The following AGAP1 variants were observed in gnomAD, a reference collection of about 807,000 sequenced individuals.
AGAP1 encodes the protein arf-GAP with GTPase, ANK repeat and PH domain-containing protein 1.
Under a neutral mutation model 105.3 loss-of-function variants are expected in AGAP1, and 29 were observed. The observed-to-expected ratio is 0.28, with a 90% CI of 0.21 to 0.38. AGAP1 has a LOEUF of 0.38. AGAP1 is among the 10% of genes least tolerant of loss of function. The pLI, the probability that AGAP1 is intolerant of heterozygous loss-of-function variation, is 1.00. For synonymous variants in AGAP1, 509 were observed against 485.9 expected, an observed-to-expected ratio of 1.05 and a Z score of -0.63; for missense variants, 998 against 1,165.1, an observed-to-expected ratio of 0.86 and a Z score of 2.09.
Position 235,623,092 on chromosome 2 carries a change from T to C in AGAP1, c.164-86087T>C, listed in dbSNP as rs961811824. Reference sequence around the variant, plus strand: ...GGGGAATAGATGTCTCTCATGCAGCTCATTTTCCAGTGGATTGCCTGATGT... The same window carrying C: ...GGGGAATAGATGTCTCTCATGCAGCCCATTTTCCAGTGGATTGCCTGATGT... On this transcript the variant is annotated intron_variant, in intron 1 of 17. Coordinates refer to ENST00000304032, the MANE Select transcript of AGAP1 (RefSeq NM_001037131.3). The surrounding 1 kb of genome is among the most constrained non-coding windows in gnomAD (Gnocchi z 4.5). Among the ~76,000 whole-genome samples, 3 of 152,206 alleles carry C rather than the reference T, an allele frequency of 2.0e-5. No homozygotes were observed. The highest frequency in any genetic ancestry group is 6.5e-5 in the Admixed American group (1 of 15,284).
At chr2:235,757,183 A>G (rs1447328270) in intron 6 of AGAP1, among the ~76,000 whole-genome samples, 1 of 152,154 alleles carries the variant, frequency 6.6e-6, no homozygotes, top group East Asian at 1.9e-4. Flanking sequence ...ATAAATTACA[A>G]ATTATCATCT....
Position 235,799,468 on chromosome 2 carries a change from C to T in AGAP1, c.903C>T (p.Ala301=). 1 of 1,614,226 alleles carries T rather than the reference C, an allele frequency of 6.2e-7. No individual in the cohort carries two copies. The highest frequency in any genetic ancestry group is 1.1e-5 in the South Asian group (1 of 91,078). The change falls in exon 8 of 18, where the codon GCC becomes GCT. Residue 301 remains alanine (A), a synonymous_variant. Coordinates refer to ENST00000304032, the MANE Select transcript of AGAP1 (RefSeq NM_001037131.3). This position sits in a 1 kb window ranked among gnomAD's most constrained non-coding sequence, Gnocchi z 5.0. ...TTCGGATCGATGTTCCTCCCACTGC[C>T]AACACGCCCACGCCCGTTCGCAAGC... ...KELRIDVPPT[A]NTPTPVRKQS... is the part of the protein sequence containing the mutation.
Position 236,028,932 on chromosome 2 carries a change from T to C in AGAP1, c.1646-7629T>C, listed in dbSNP as rs114278402. Among the ~76,000 whole-genome samples the C allele has an allele frequency of 5.5e-3, 839 of 152,326 alleles. 5 individuals are homozygous for C. The highest frequency in any genetic ancestry group is 0.019 in the African/African-American group (791 of 41,578). On this transcript the variant is annotated intron_variant, in intron 13 of 17. Coordinates refer to ENST00000304032, the MANE Select transcript of AGAP1 (RefSeq NM_001037131.3). ...GTTTTAATCATGCTTCTTTCTCTTA[T>C]TGATTTTTTTTCTTTCTTCTGGTTG...
intron 1 of AGAP1, among the ~76,000 whole-genome samples, chr2:235,656,139 T>A (rs1289480995): frequency 6.6e-6 from 1 of 152,220 alleles, no homozygotes; most frequent in Non-Finnish European, 1.5e-5. Flanking sequence ...CTGCTGATGA[T>A]GGCTAATGAG....
At position 236,046,012 on chromosome 2, in the gene AGAP1, C is replaced by G. The variant is rs1457830825; in HGVS notation, c.1892-3047C>G. 2.1e-6 allele frequency: 1 copy of G among 471,512 alleles called. No individual in the cohort carries two copies. The highest frequency in any genetic ancestry group is 2.0e-5 in the African/African-American group (1 of 50,074). 29.2% of individuals were successfully genotyped at this position (471,512 alleles called of 1,614,324 possible). A position where few individuals can be genotyped will look rare whatever the true frequency, so the allele number is the denominator to read the frequency against. ...GTCCTTCAGATCTGGACCTGACAGC[C>G]TGGGAGCTGCTGGGGGGAGGTAGGA... On this transcript the variant is annotated intron_variant, in intron 15 of 17. Coordinates refer to ENST00000304032, the MANE Select transcript of AGAP1 (RefSeq NM_001037131.3). This position sits in a 1 kb window ranked among gnomAD's most constrained non-coding sequence, Gnocchi z 5.2.
rs1304644172 is a variant in AGAP1, at chr2:235,642,143, A to G, written c.164-67036A>G. Among the ~76,000 whole-genome samples, 1 of 152,174 alleles carries G rather than the reference A, an allele frequency of 6.6e-6. No homozygotes were observed. The highest frequency in any genetic ancestry group is 1.5e-5 in the Non-Finnish European group (1 of 68,040). ...GGGGCCCTCCAGAGGGTGCCCATCCACGGAGTGCGGCGCCTGCTCGACTTG... is the reference window on the plus strand; with the variant it reads ...GGGGCCCTCCAGAGGGTGCCCATCCGCGGAGTGCGGCGCCTGCTCGACTTG... On this transcript the variant is annotated intron_variant, in intron 1 of 17. Transcript: ENST00000304032. This position sits in a 1 kb window ranked among gnomAD's most constrained non-coding sequence, Gnocchi z 4.1.
chr2:236,101,173 C>T lies in AGAP1; in HGVS notation c.2115-19019C>T, dbSNP rs2059337569. 6.6e-6 allele frequency among the ~76,000 whole-genome samples: 1 copy of T among 152,158 alleles called. No homozygotes were observed. The highest frequency in any genetic ancestry group is 1.5e-5 in the Non-Finnish European group (1 of 68,028). ...TTCCCCACTCCCATGCCTGTCCTCT[C>T]TTAAAATCTCTGTTGTTGGTACTGT... On this transcript the variant is annotated intron_variant, in intron 16 of 17. Coordinates refer to ENST00000304032, the MANE Select transcript of AGAP1 (RefSeq NM_001037131.3). The surrounding 1 kb of genome is among the most constrained non-coding windows in gnomAD (Gnocchi z 4.9).
At chr2:235,643,090 A>G (rs1223418029) in intron 1 of AGAP1, among the ~76,000 whole-genome samples, 2 of 152,116 alleles carry the variant, frequency 1.3e-5, no homozygotes, top group Admixed American at 6.6e-5. Flanking sequence ...AGAGGGGGAA[A>G]CTGAGGCTCA....
intron 6 of AGAP1, among the ~76,000 whole-genome samples, chr2:235,768,862 C>T (rs1955193370): frequency 6.6e-6 from 1 of 152,206 alleles, no homozygotes; most frequent in African/African-American, 2.4e-5. Flanking sequence ...GCTGCAGCTT[C>T]CTCTCTCTGA....
chr2:235,998,698 AGTGATGATGATAGTG>A (rs72302070), intron 13 of AGAP1, among the ~76,000 whole-genome samples: 35,687 of 140,926 alleles, frequency 0.25, 4,561 homozygotes, highest in Middle Eastern at 0.38. Flanking sequence ...TGGTGGTAGC[AGTGATGATGATAGTG>A]GTGATGATGA....
At position 235,551,686 on chromosome 2, in the gene AGAP1, T is replaced by A. The variant is rs531294193; in HGVS notation, c.163+56837T>A. ...ACGTGGCAGGTGGGTGCTGTTTCTT[T>A]CCTGCAGGATGTTTGCTGAGCATTT... On this transcript the variant is annotated intron_variant, in intron 1 of 17. Transcript: ENST00000304032. This position sits in a 1 kb window ranked among gnomAD's most constrained non-coding sequence, Gnocchi z 4.8. 2.0e-5 allele frequency among the ~76,000 whole-genome samples: 3 copies of A among 152,242 alleles called. No homozygotes were observed. Among genetic ancestry groups the A allele is most frequent in the Non-Finnish European group, 4.4e-5 (3 of 68,042 alleles).
At position 235,721,881 on chromosome 2, in the gene AGAP1, G is replaced by A. The variant is rs960259092; in HGVS notation, c.310+4237G>A. 6.6e-6 allele frequency among the ~76,000 whole-genome samples: 1 copy of A among 152,194 alleles called. No individual in the cohort carries two copies. The highest frequency in any genetic ancestry group is 2.4e-5 in the African/African-American group (1 of 41,448). On this transcript the variant is annotated intron_variant, in intron 3 of 17. Transcript: ENST00000304032. This position sits in a 1 kb window ranked among gnomAD's most constrained non-coding sequence, Gnocchi z 4.5. Reference sequence around the variant, plus strand: ...CTCCTTTTCAGCAGATACATCAGATGCATTTTAGCTCCATCCCAGAGGGTA... The same window carrying A: ...CTCCTTTTCAGCAGATACATCAGATACATTTTAGCTCCATCCCAGAGGGTA...
chr2:236,107,862 A>T (rs1026072612), intron 16 of AGAP1, among the ~76,000 whole-genome samples: 4 of 152,226 alleles, frequency 2.6e-5, no homozygotes, highest in African/African-American at 9.6e-5. Context: ...TTGCAGAAGT[A>T]ATAAGCCTAA....
Position 235,960,172 on chromosome 2 carries a change from G to A in AGAP1, c.1484-8290G>A, listed in dbSNP as rs993774141. Among the ~76,000 whole-genome samples, 3 of 152,188 alleles carry A rather than the reference G, an allele frequency of 2.0e-5. No individual in the cohort carries two copies. The highest frequency in any genetic ancestry group is 4.4e-5 in the Non-Finnish European group (3 of 68,038). ...CCTCGGCCCTGTAAGCAGCAGATCA[G>A]AGCGTGGGCTGGTGCTGCTTCCAGG... On this transcript the variant is annotated intron_variant, in intron 12 of 17. Coordinates refer to ENST00000304032, the MANE Select transcript of AGAP1 (RefSeq NM_001037131.3). This position sits in a 1 kb window ranked among gnomAD's most constrained non-coding sequence, Gnocchi z 4.9.
At chr2:235,947,254 T>G (rs555569937) in intron 12 of AGAP1, among the ~76,000 whole-genome samples, 38 of 152,258 alleles carry the variant, frequency 2.5e-4, no homozygotes, top group African/African-American at 8.2e-4. Context: ...AGTCCCAAAG[T>G]CCATTGTATC....
chr2:235,497,647 A>G (rs1371460608), intron 1 of AGAP1, among the ~76,000 whole-genome samples: 1 of 152,180 alleles, frequency 6.6e-6, no homozygotes, highest in Non-Finnish European at 1.5e-5. Context: ...CCCAGGCTGG[A>G]GTGCAGCGGC....
intron 6 of AGAP1, among the ~76,000 whole-genome samples, chr2:235,759,189 G>A (rs1954196363): frequency 8.3e-6 from 1 of 120,290 alleles, no homozygotes; most frequent in Admixed American, 8.9e-5. Context: ...TTTTTTTTGA[G>A]ATGGAGTCTC....
chr2:235,704,760 A>C (rs1326133426), intron 1 of AGAP1, among the ~76,000 whole-genome samples: 1 of 152,172 alleles, frequency 6.6e-6, no homozygotes, highest in East Asian at 1.9e-4. Flanking sequence ...TCTGAGCAAC[A>C]CAGCAGATAA....
chr2:236,062,892 C>T lies in AGAP1; in HGVS notation c.2114+13611C>T, dbSNP rs1559238534. Among the ~76,000 whole-genome samples, 1 of 152,018 alleles carries T rather than the reference C, an allele frequency of 6.6e-6. No homozygotes were observed. The highest frequency in any genetic ancestry group is 1.5e-5 in the Non-Finnish European group (1 of 68,018). Reference sequence around the variant, plus strand: ...GGCCAGGCTGGTCTTGAACTCCTGACCTCATGATCCACCCACCTTGGCCTC... The same window carrying T: ...GGCCAGGCTGGTCTTGAACTCCTGATCTCATGATCCACCCACCTTGGCCTC... On this transcript the variant is annotated intron_variant, in intron 16 of 17. Coordinates refer to ENST00000304032, the MANE Select transcript of AGAP1 (RefSeq NM_001037131.3). The surrounding 1 kb of genome is among the most constrained non-coding windows in gnomAD (Gnocchi z 4.2).
Sources: gnomAD v4.1 joint callset for allele counts (sites outside exome capture counted in the v4.1 genomes callset) on GRCh38, gnomAD v4.1.1 for gene constraint, Gnocchi (gnomAD v3.1) non-coding constraint, MANE v1.5 for transcripts, NCBI Gene and HGNC (gene_info 2026-07-23, HGNC 2026-07-21) for gene names.